GFI1B: variants seen among roughly 807,000 people sequenced by gnomAD.
The protein encoded by GFI1B is zinc finger protein Gfi-1b.
In GFI1B, 20 loss-of-function variants were observed where a neutral mutation model predicts 35.3. The ratio of observed to expected loss-of-function variants is 0.57; its 90% confidence interval spans 0.40 to 0.82. The LOEUF is 0.82. GFI1B is among the 40% of genes least tolerant of loss of function. The pLI, the probability that GFI1B is intolerant of heterozygous loss-of-function variation, is 0.00. For missense variants in GFI1B, 430 were observed against 446.3 expected, an observed-to-expected ratio of 0.96 and a Z score of 0.33; for synonymous variants, 178 against 177.6, an observed-to-expected ratio of 1.00 and a Z score of -0.02.
At chr9:132,964,864 C>T (rs932839547) in intron 1 of GFI1B, among the ~76,000 whole-genome samples, 12 of 150,220 alleles carry the variant, frequency 8.0e-5, no homozygotes, top group South Asian at 2.1e-4. Context: ...CTCAGCCTTC[C>T]GTGTAGCTGG....
chr9:132,973,187 G>T (rs192257134), intron 2 of GFI1B, among the ~76,000 whole-genome samples: 2 of 152,234 alleles, frequency 1.3e-5, no homozygotes, highest in Non-Finnish European at 2.9e-5. Context: ...GCTGTCCTGG[G>T]CCAAGGCCAG....
chr9:132,972,493 G>A (rs1372442821), intron 1 of GFI1B, among the ~76,000 whole-genome samples: 1 of 152,150 alleles, frequency 6.6e-6, no homozygotes, highest in Non-Finnish European at 1.5e-5. Context: ...GGAAGGCTGA[G>A]GCAGGAGGAT....
intron 1 of GFI1B, among the ~76,000 whole-genome samples, chr9:132,970,734 C>A (rs755259871): frequency 1.1e-4 from 17 of 152,136 alleles, no homozygotes; most frequent in Non-Finnish European, 2.4e-4. Flanking sequence ...GCCCCTCCAC[C>A]CTGTCTGGCC....
At chr9:132,975,496 G>T (rs12349859), upstream of GFI1B, among the ~76,000 whole-genome samples, 27,001 of 152,034 alleles carry the variant, frequency 0.18, 2,920 homozygotes, top group South Asian at 0.38. Flanking sequence ...CCAAGCCTGG[G>T]TCCATTTCCA....
upstream of GFI1B, among the ~76,000 whole-genome samples, chr9:132,975,935 C>G (rs565437822): frequency 2.6e-5 from 4 of 152,264 alleles, no homozygotes; most frequent in Admixed American, 2.6e-4. Context: ...GCTGGGGACT[C>G]CTGGCTTCAA....
At chr9:132,955,808 A>ATGTGTGTG (rs3049917) in intron 1 of GFI1B, among the ~76,000 whole-genome samples, 6,250 of 146,492 alleles carry the variant, frequency 0.043, 171 homozygotes, top group East Asian at 0.094. Context: ...GTGTGTGTGC[A>ATGTGTGTG]TGTGTGTGTG....
At chr9:132,986,024 G>C (rs778094506) in intron 1 of GFI1B, among the ~76,000 whole-genome samples, 2 of 152,182 alleles carry the variant, frequency 1.3e-5, no homozygotes, top group East Asian at 1.9e-4. Context: ...TTTTCTAGGG[G>C]GCGATGCATT....
At chr9:132,975,004 C>A (rs929351303), upstream of GFI1B, 2 of 152,182 alleles carry the variant, frequency 1.3e-5, no homozygotes, top group African/African-American at 4.8e-5. Flanking sequence ...GTGGCATGCA[C>A]CTGTAATCCC....
At chr9:132,965,548 G>T (rs1848438697) in intron 1 of GFI1B, among the ~76,000 whole-genome samples, 1 of 152,214 alleles carries the variant, frequency 6.6e-6, no homozygotes, top group South Asian at 2.1e-4. Context: ...GACCATCTTG[G>T]ATTAGCCGGC....
At chr9:132,968,649 G>A (rs142743853) in intron 1 of GFI1B, among the ~76,000 whole-genome samples, 73 of 151,982 alleles carry the variant, frequency 4.8e-4, no homozygotes, top group African/African-American at 1.6e-3. Flanking sequence ...TAGAATATTC[G>A]GTAAGAAGAG....
At chr9:132,982,117 C>T (rs1309914139) in intron 1 of GFI1B, among the ~76,000 whole-genome samples, 2 of 152,234 alleles carry the variant, frequency 1.3e-5, no homozygotes. Flanking sequence ...TGAGAACCAG[C>T]TGAGTCTTAC....
At chr9:132,958,334 A>G (rs951568128) in intron 1 of GFI1B, among the ~76,000 whole-genome samples, 4 of 152,152 alleles carry the variant, frequency 2.6e-5, no homozygotes, top group Non-Finnish European at 4.4e-5. Context: ...TATAAAGAAA[A>G]GAGGTTTAAT....
At chr9:132,983,086 A>G (rs895462069) in intron 1 of GFI1B, among the ~76,000 whole-genome samples, 1 of 151,988 alleles carries the variant, frequency 6.6e-6, no homozygotes, top group African/African-American at 2.4e-5. Flanking sequence ...CCTGAAGGGA[A>G]GTCTGTCCCT....
Position 132,991,204 on chromosome 9 carries a change from T to C in GFI1B, c.*154T>C. 1.4e-6 allele frequency: 1 copy of C among 702,686 alleles called. No individual in the cohort carries two copies. Among genetic ancestry groups the C allele is most frequent in the Non-Finnish European group, 2.5e-6 (1 of 404,672 alleles). 43.5% of individuals were successfully genotyped at this position (702,686 alleles called of 1,614,324 possible). A position where few individuals can be genotyped will look rare whatever the true frequency, so the allele number is the denominator to read the frequency against. On this transcript the variant is annotated 3_prime_UTR_variant, in exon 7 of 7. Transcript: ENST00000372122. Reference sequence around the variant, plus strand: ...GACTCATGAAATTGCTGTGTGACCTTGGGCAAGTCACTTACCCTGTCTGGA... The same window carrying C: ...GACTCATGAAATTGCTGTGTGACCTCGGGCAAGTCACTTACCCTGTCTGGA...
At chr9:132,986,311 A>G (rs1422561291) in intron 1 of GFI1B, among the ~76,000 whole-genome samples, 1 of 150,020 alleles carries the variant, frequency 6.7e-6, no homozygotes, top group Non-Finnish European at 1.5e-5. Context: ...ACTGCCTGGC[A>G]TTCTCTGGCT....
chr9:132,988,939 A>G, intron 4 of GFI1B, 122 bp from the exon 5 acceptor site: 4 of 922,162 alleles, frequency 4.3e-6, no homozygotes, highest in Non-Finnish European at 3.5e-6. Context: ...CTGGCAATCC[A>G]GTGCCCCTTA....
chr9:132,979,842 G>A (rs1219767676), intron 1 of GFI1B, among the ~76,000 whole-genome samples: 1 of 152,148 alleles, frequency 6.6e-6, no homozygotes, highest in Non-Finnish European at 1.5e-5. Flanking sequence ...ACATTTTTCC[G>A]GGGAGAAAGT....
intron 1 of GFI1B, among the ~76,000 whole-genome samples, chr9:132,972,074 A>C (rs1033192923): frequency 6.6e-6 from 1 of 151,936 alleles, no homozygotes; most frequent in Non-Finnish European, 1.5e-5. Flanking sequence ...TAGGAGTTTG[A>C]GACCAACCTG....
intron 1 of GFI1B, among the ~76,000 whole-genome samples, chr9:132,979,423 A>G (rs1848739879): frequency 6.6e-6 from 1 of 151,962 alleles, no homozygotes; most frequent in African/African-American, 2.4e-5. Flanking sequence ...TATTTTTAGT[A>G]GAGACGGGTT....
Sources: allele counts gnomAD v4.1 joint callset (sites outside exome capture counted in the v4.1 genomes callset), GRCh38; gene constraint gnomAD v4.1.1; transcripts MANE v1.5; gene names NCBI Gene and HGNC (gene_info 2026-07-23, HGNC 2026-07-21).